Variants in ARK2C observed in about 807,000 individuals in gnomAD.
The protein encoded by ARK2C is E3 ubiquitin-protein ligase ARK2C.
the ARK2C span, among the ~76,000 whole-genome samples, chr18:46,428,573 T>G: frequency 2.2e-4 from 33 of 152,310 alleles, no homozygotes; most frequent in African/African-American, 7.9e-4. Context: ...AGAGTTGCAC[T>G]GTCCAAAATG....
At chr18:46,436,464 T>C in the ARK2C span, among the ~76,000 whole-genome samples, 2 of 152,220 alleles carry the variant, frequency 1.3e-5, no homozygotes, top group African/African-American at 2.4e-5. Context: ...TGTTTTGTTT[T>C]GGAGTGTAAA....
At chr18:46,442,896 T>G in the ARK2C span, among the ~76,000 whole-genome samples, 1 of 152,212 alleles carries the variant, frequency 6.6e-6, no homozygotes, top group Non-Finnish European at 1.5e-5. Context: ...GAAACATCCT[T>G]CCTTATCCTT....
At chr18:46,428,282 G>T in the ARK2C span, among the ~76,000 whole-genome samples, 5 of 152,130 alleles carry the variant, frequency 3.3e-5, no homozygotes, top group Admixed American at 6.5e-5. Flanking sequence ...GGTGGCAGGC[G>T]CCTGTAGTCC....
the ARK2C span, among the ~76,000 whole-genome samples, chr18:46,430,519 A>G: frequency 1.3e-5 from 2 of 152,184 alleles, no homozygotes; most frequent in East Asian, 1.9e-4. Context: ...GTTCTAGGAA[A>G]CAGGCTTTGT....
the ARK2C span, among the ~76,000 whole-genome samples, chr18:46,350,526 G>A: frequency 6.6e-6 from 1 of 152,204 alleles, no homozygotes; most frequent in Non-Finnish European, 1.5e-5. Context: ...ATGGTCAGGA[G>A]CGCCCCCAAC....
the ARK2C span, among the ~76,000 whole-genome samples, chr18:46,402,555 CACGCTGGAGTGCGTGACT>C: frequency 6.6e-6 from 1 of 152,186 alleles, no homozygotes; most frequent in Admixed American, 6.5e-5. Flanking sequence ...CTCTGTCACC[CACGCTGGAGTGCGTGACT>C]CACTGCAGGC....
chr18:46,428,057 C>T, the ARK2C span, among the ~76,000 whole-genome samples: 112,995 of 152,084 alleles, frequency 0.74, 42,957 homozygotes, highest in Non-Finnish European at 0.81. Flanking sequence ...CCAGTGTGGA[C>T]GGCTGCGGGA....
the ARK2C span, among the ~76,000 whole-genome samples, chr18:46,348,898 TTCTGTGTGTGTGTGTGTGTGTG>T: frequency 8.1e-6 from 1 of 123,258 alleles, no homozygotes; most frequent in Admixed American, 9.2e-5. Context: ...CTCTCTCTCT[TTCTGTGTGTGTGTGTGTGTGTG>T]TGTGTGTGTG....
chr18:46,358,211 G>T, the ARK2C span, among the ~76,000 whole-genome samples: 1 of 152,184 alleles, frequency 6.6e-6, no homozygotes, highest in Non-Finnish European at 1.5e-5. Context: ...CCCCTGTGAG[G>T]GCTGCAAGCG....
chr18:46,336,121 C>G, the ARK2C span: 5 of 985,262 alleles, frequency 5.1e-6, no homozygotes, highest in Non-Finnish European at 6.0e-6. Flanking sequence ...CACCCCCTCT[C>G]TCAATACACA....
the ARK2C span, among the ~76,000 whole-genome samples, chr18:46,422,447 G>A: frequency 6.6e-6 from 1 of 152,170 alleles, no homozygotes; most frequent in Non-Finnish European, 1.5e-5. Flanking sequence ...AGAGGGGAGA[G>A]GAGGCTCCCT....
chr18:46,372,835 T>C, the ARK2C span, among the ~76,000 whole-genome samples: 3 of 152,230 alleles, frequency 2.0e-5, no homozygotes, highest in Admixed American at 2.0e-4. Flanking sequence ...TGCGGTGCTA[T>C]TATGTAAGGA....
chr18:46,408,695 T>A, the ARK2C span, among the ~76,000 whole-genome samples: 1 of 152,234 alleles, frequency 6.6e-6, no homozygotes, highest in African/African-American at 2.4e-5. Flanking sequence ...GAAGGGTTGC[T>A]GGAACAGTCC....
the ARK2C span, among the ~76,000 whole-genome samples, chr18:46,415,547 A>AT: frequency 2.0e-5 from 3 of 151,698 alleles, no homozygotes; most frequent in African/African-American, 7.3e-5. Flanking sequence ...AAAAAATAAA[A>AT]AAATAAATAA....
the ARK2C span, among the ~76,000 whole-genome samples, chr18:46,367,085 C>G: frequency 1.3e-5 from 2 of 152,180 alleles, no homozygotes; most frequent in Admixed American, 1.3e-4. Context: ...CAGGAAGACA[C>G]TGGAGTTGGG....
At chr18:46,415,287 G>C in the ARK2C span, among the ~76,000 whole-genome samples, 2 of 152,212 alleles carry the variant, frequency 1.3e-5, no homozygotes, top group Non-Finnish European at 2.9e-5. Context: ...TTGGGAGGCC[G>C]AGGTGGGCGG....
chr18:46,408,118 G>C, the ARK2C span, among the ~76,000 whole-genome samples: 3 of 152,234 alleles, frequency 2.0e-5, no homozygotes, highest in Non-Finnish European at 4.4e-5. Context: ...GCTCAGATAG[G>C]TCGGGGCAGT....
chr18:46,379,603 G>A, the ARK2C span, among the ~76,000 whole-genome samples: 2 of 152,172 alleles, frequency 1.3e-5, no homozygotes, highest in East Asian at 1.9e-4. Context: ...GGGCAAAGTC[G>A]CTCTTTGAAG....
chr18:46,384,377 C>A, the ARK2C span, among the ~76,000 whole-genome samples: 4 of 152,308 alleles, frequency 2.6e-5, no homozygotes, highest in East Asian at 7.7e-4. Context: ...CTTGATACTT[C>A]TTCCTTCTTA....
Sources: gnomAD v4.1 joint callset for allele counts (sites outside exome capture counted in the v4.1 genomes callset) on GRCh38, gnomAD v4.1.1 for gene constraint, MANE v1.5 for transcripts, NCBI Gene and HGNC (gene_info 2026-07-23, HGNC 2026-07-21) for gene names.